Variants in RORA observed in about 807,000 individuals in gnomAD.
RORA encodes the protein nuclear receptor ROR-alpha.
A neutral mutation model predicts 69.5 loss-of-function variants in RORA; 7 were observed. The ratio of observed to expected loss-of-function variants is 0.10; its 90% CI spans 0.06 to 0.19. The LOEUF (loss-of-function observed/expected upper bound fraction) is 0.19. RORA is among the 10% of genes least tolerant of loss of function. The pLI is 1.00. For missense variants in RORA, 457 were observed against 663.0 expected, an observed-to-expected ratio of 0.69 and a Z score of 3.41; for synonymous variants, 261 against 240.8, an observed-to-expected ratio of 1.08 and a Z score of -0.78.
chr15:60,924,086 G>C (rs1283543239), intron 1 of RORA, among the ~76,000 whole-genome samples: 1 of 152,114 alleles, frequency 6.6e-6, no homozygotes, highest in Non-Finnish European at 1.5e-5. Context: ...CTTGGCACTT[G>C]CTCTCCTCTC....
intron 1 of RORA, among the ~76,000 whole-genome samples, chr15:60,728,264 C>T (rs1315285113): frequency 1.3e-5 from 2 of 152,018 alleles, no homozygotes; most frequent in Non-Finnish European, 2.9e-5. Flanking sequence ...TACTTTTTTG[C>T]TTTGTAAACA....
intron 1 of RORA, among the ~76,000 whole-genome samples, chr15:60,983,973 C>A (rs1894121270): frequency 6.6e-6 from 1 of 152,152 alleles, no homozygotes; most frequent in South Asian, 2.1e-4. Flanking sequence ...AGGCAGAATT[C>A]ATAATTTTTG....
At chr15:60,837,554 C>T (rs543051974) in intron 1 of RORA, among the ~76,000 whole-genome samples, 4 of 152,312 alleles carry the variant, frequency 2.6e-5, no homozygotes, top group South Asian at 2.1e-4. Flanking sequence ...GCAAGAAAAT[C>T]GCCACCTCCT....
chr15:61,195,492 T>C (rs565043210), intron 1 of RORA, among the ~76,000 whole-genome samples: 1 of 152,110 alleles, frequency 6.6e-6, no homozygotes, highest in African/African-American at 2.4e-5. Flanking sequence ...AATCCCACTA[T>C]GTATTACACA....
chr15:60,504,256 A>G (rs1249993683), intron 6 of RORA, among the ~76,000 whole-genome samples: 4 of 149,532 alleles, frequency 2.7e-5, no homozygotes, highest in Non-Finnish European at 5.9e-5. Flanking sequence ...TCATAAGAAT[A>G]TTTTTTCTGG....
At chr15:61,208,226 A>G (rs1488841146) in intron 1 of RORA, among the ~76,000 whole-genome samples, 1 of 152,266 alleles carries the variant, frequency 6.6e-6, no homozygotes, top group East Asian at 1.9e-4. Flanking sequence ...AGCAACATAA[A>G]GGACCAAGGT....
rs33922947 is a variant in RORA, at chr15:60,743,016, ATTT to A, written c.167-64333_167-64331del. 9.5e-5 allele frequency among the ~76,000 whole-genome samples: 10 copies of A among 105,164 alleles called. No individual in the cohort carries two copies. In the East Asian group the frequency reaches 2.1e-3, roughly 22 times the overall value. The allele number at this position is 105,164 out of a possible 152,430, so 69.0% of individuals were successfully genotyped here. A position where few individuals can be genotyped will look rare whatever the true frequency, so the allele number is the denominator to read the frequency against. ...CTATTTATGTAAATGCATTCATTCTATTTTTTTTTTTTTTTTTTTTTTTAGTCT... is the reference window on the plus strand; with the variant it reads ...CTATTTATGTAAATGCATTCATTCTATTTTTTTTTTTTTTTTTTTTAGTCT... On this transcript the variant is annotated intron_variant, in intron 1 of 10. Transcript: ENST00000335670.
chr15:61,178,043 C>A (rs2079647516), intron 1 of RORA, among the ~76,000 whole-genome samples: 1 of 151,576 alleles, frequency 6.6e-6, no homozygotes, highest in Non-Finnish European at 1.5e-5. Flanking sequence ...GGAAGGGAGG[C>A]AGATAAAAAC....
chr15:61,226,585 TTC>T lies in RORA; in HGVS notation c.166+2466_166+2467del, dbSNP rs1249160849. 6.6e-6 allele frequency among the ~76,000 whole-genome samples: 1 copy of T among 152,164 alleles called. No individual in the cohort carries two copies. The highest frequency in any genetic ancestry group is 1.5e-5 in the Non-Finnish European group (1 of 68,022). On this transcript the variant is annotated intron_variant, in intron 1 of 10. Coordinates refer to ENST00000335670, the MANE Select transcript of RORA (RefSeq NM_134261.3). The surrounding 1 kb of genome is among the most constrained non-coding windows in gnomAD (Gnocchi z 4.2). ...CTCAACTACCAGGCATACTTACACA[TTC>T]TCTCTTTTTCTCCCTAGCTCACACA...
intron 8 of RORA, 39 bp from the exon 9 acceptor site, chr15:60,501,108 T>C: frequency 4.0e-6 from 5 of 1,261,458 alleles, no homozygotes; most frequent in Non-Finnish European, 5.7e-6. Context: ...GAATTTTGAT[T>C]ATTGTCTTAG....
At chr15:61,113,861 A>C (rs187912224) in intron 1 of RORA, among the ~76,000 whole-genome samples, 2 of 152,300 alleles carry the variant, frequency 1.3e-5, no homozygotes, top group Non-Finnish European at 2.9e-5. Flanking sequence ...TGGTAAATTG[A>C]CCTTCGTTGC....
intron 1 of RORA, among the ~76,000 whole-genome samples, chr15:60,759,621 T>C (rs964626610): frequency 9.9e-5 from 15 of 152,182 alleles, no homozygotes; most frequent in African/African-American, 3.4e-4. Flanking sequence ...GATTTGCCCA[T>C]ACACATAGAG....
intron 1 of RORA, among the ~76,000 whole-genome samples, chr15:61,199,405 T>C (rs1174261799): frequency 1.3e-5 from 2 of 152,106 alleles, no homozygotes; most frequent in African/African-American, 4.8e-5. Context: ...CAGATACAGA[T>C]GTACAAGATA....
At chr15:60,699,131 C>T (rs2070947015) in intron 1 of RORA, among the ~76,000 whole-genome samples, 1 of 151,996 alleles carries the variant, frequency 6.6e-6, no homozygotes, top group South Asian at 2.1e-4. Context: ...GTAATTTCTA[C>T]CTTTTTGGTT....
intron 1 of RORA, among the ~76,000 whole-genome samples, chr15:61,035,385 G>T (rs1053649108): frequency 6.6e-6 from 1 of 152,098 alleles, no homozygotes; most frequent in African/African-American, 2.4e-5. Flanking sequence ...ACAACGTTAG[G>T]AGAGTTTTTA....
At chr15:60,951,217 A>T (rs983662930) in intron 1 of RORA, among the ~76,000 whole-genome samples, 2 of 151,846 alleles carry the variant, frequency 1.3e-5, no homozygotes, top group Non-Finnish European at 2.9e-5. Flanking sequence ...CGAAGGCAGA[A>T]ATAAAGATGT....
At chr15:60,913,645 C>T (rs1891792370) in intron 1 of RORA, among the ~76,000 whole-genome samples, 1 of 152,144 alleles carries the variant, frequency 6.6e-6, no homozygotes, top group South Asian at 2.1e-4. Context: ...AAAACAAAGA[C>T]AATGCTGTGC....
intron 1 of RORA, among the ~76,000 whole-genome samples, chr15:60,931,522 C>T (rs550941382): frequency 6.6e-6 from 1 of 152,368 alleles, no homozygotes; most frequent in South Asian, 2.1e-4. Context: ...TTTGATTACT[C>T]CTTTCTTCTC....
At chr15:60,710,731 G>C (rs575045728) in intron 1 of RORA, among the ~76,000 whole-genome samples, 26 of 152,256 alleles carry the variant, frequency 1.7e-4, no homozygotes, top group African/African-American at 6.0e-4. Flanking sequence ...CTGAGCAGTG[G>C]GATGATGTTG....
Sources: allele counts gnomAD v4.1 joint callset (sites outside exome capture counted in the v4.1 genomes callset), GRCh38; gene constraint gnomAD v4.1.1; non-coding constraint Gnocchi (gnomAD v3.1); transcripts MANE v1.5; gene names NCBI Gene and HGNC (gene_info 2026-07-23, HGNC 2026-07-21).